The following NEURL1B variants were observed in gnomAD, a reference collection of about 807,000 sequenced individuals.
The protein encoded by NEURL1B is E3 ubiquitin-protein ligase NEURL1B.
A neutral mutation model predicts 37.4 loss-of-function variants in NEURL1B; 13 were observed. That is an observed-to-expected ratio of 0.35 (90% CI 0.23 to 0.55). NEURL1B has a LOEUF of 0.55. NEURL1B is among the 20% of genes least tolerant of loss of function. The pLI, the probability that NEURL1B is intolerant of heterozygous loss-of-function variation, is 0.89. For synonymous variants in NEURL1B, 432 were observed against 426.6 expected, an observed-to-expected ratio of 1.01 and a Z score of -0.16; for missense variants, 790 against 879.2, an observed-to-expected ratio of 0.90 and a Z score of 1.28.
intron 1 of NEURL1B, among the ~76,000 whole-genome samples, chr5:172,666,772 C>T (rs1298365208): frequency 6.6e-6 from 1 of 152,174 alleles, no homozygotes; most frequent in African/African-American, 2.4e-5. Flanking sequence ...CCCTCGTGGG[C>T]CTTACCCTTC....
intron 2 of NEURL1B, among the ~76,000 whole-genome samples, chr5:172,679,895 C>T (rs952393460): frequency 6.6e-5 from 10 of 152,174 alleles, no homozygotes; most frequent in African/African-American, 2.4e-4. Context: ...CTGTCACTCC[C>T]CAGCTGTGTG....
chr5:172,645,976 G>A (rs977708750), intron 1 of NEURL1B, among the ~76,000 whole-genome samples: 1 of 152,174 alleles, frequency 6.6e-6, no homozygotes, highest in Non-Finnish European at 1.5e-5. Flanking sequence ...TTAAAAATCT[G>A]GTGCATTTAT....
chr5:172,684,276 T>C (rs1025428545), intron 3 of NEURL1B, 138 bp downstream of exon 3: 15 of 747,436 alleles, frequency 2.0e-5, no homozygotes, highest in Non-Finnish European at 2.7e-5. Context: ...TTCCCAACTT[T>C]AAGCGCCCGG....
intron 1 of NEURL1B, chr5:172,656,676 T>C: frequency 1.3e-6 from 2 of 1,531,418 alleles, no homozygotes; most frequent in South Asian, 2.3e-5. Flanking sequence ...CTTGGGCTGT[T>C]TCAGTGGCTT....
Position 172,661,133 on chromosome 5 carries a change from A to G in NEURL1B, c.32-8652A>G, listed in dbSNP as rs1159524403. 6.6e-6 allele frequency among the ~76,000 whole-genome samples: 1 copy of G among 152,220 alleles called. No individual in the cohort carries two copies. The highest frequency in any genetic ancestry group is 1.5e-5 in the Non-Finnish European group (1 of 68,042). ...CACCATGTTGCTTCCTACTGCCAAC[A>G]GTGCTGGTTTACATTTTGGACTGGG... On this transcript the variant is annotated intron_variant, in intron 1 of 4. Coordinates refer to ENST00000369800, the MANE Select transcript of NEURL1B (RefSeq NM_001142651.3). This position sits in a 1 kb window ranked among gnomAD's most constrained non-coding sequence, Gnocchi z 4.0.
Position 172,687,158 on chromosome 5 carries a change from T to C in NEURL1B, c.*233T>C. On this transcript the variant is annotated 3_prime_UTR_variant, in exon 5 of 5. Coordinates refer to ENST00000369800, the MANE Select transcript of NEURL1B (RefSeq NM_001142651.3). ...CCGTCCCAAGAGCAAGCTCAGGAACTGCCTGGCAGATCACCCTGTCCCTTG... is the reference window on the plus strand; with the variant it reads ...CCGTCCCAAGAGCAAGCTCAGGAACCGCCTGGCAGATCACCCTGTCCCTTG... 1.9e-6 allele frequency: 1 copy of C among 522,164 alleles called. No homozygotes were observed. 32.3% of individuals were successfully genotyped at this position (522,164 alleles called of 1,614,324 possible).
At chr5:172,655,197 C>T (rs573102629) in intron 1 of NEURL1B, among the ~76,000 whole-genome samples, 1 of 152,242 alleles carries the variant, frequency 6.6e-6, no homozygotes, top group Non-Finnish European at 1.5e-5. Context: ...GAAGGCTCAA[C>T]CCCTCAAACC....
chr5:172,674,237 G>A (rs550602338), intron 2 of NEURL1B, among the ~76,000 whole-genome samples: 1 of 152,294 alleles, frequency 6.6e-6, no homozygotes, highest in East Asian at 1.9e-4. Context: ...ATCTTGTGGG[G>A]CTGGGGTGTG....
At chr5:172,644,692 G>T (rs1382735347) in intron 1 of NEURL1B, among the ~76,000 whole-genome samples, 1 of 152,202 alleles carries the variant, frequency 6.6e-6, no homozygotes, top group African/African-American at 2.4e-5. Flanking sequence ...ATTTTAAAGA[G>T]ATTAAGACAC....
At chr5:172,659,457 G>A (rs1352415566) in intron 1 of NEURL1B, among the ~76,000 whole-genome samples, 1 of 152,220 alleles carries the variant, frequency 6.6e-6, no homozygotes, top group African/African-American at 2.4e-5. Flanking sequence ...GGGGCTGCCA[G>A]GAGGAGAAGC....
intron 1 of NEURL1B, among the ~76,000 whole-genome samples, chr5:172,644,151 G>A (rs1561639315): frequency 6.6e-6 from 1 of 152,160 alleles, no homozygotes; most frequent in Non-Finnish European, 1.5e-5. Flanking sequence ...TTAGCACCTG[G>A]AGCAGTGGCT....
In NEURL1B at chr5:172,691,088, G is replaced by A. The variant is rs1758646516; in HGVS notation, c.*4163G>A. ...GAGTCCCTAATGAAACGACTTGTGT[G>A]ACAATCTGTCTGTGCCTTACGAAAG... On this transcript the variant is annotated 3_prime_UTR_variant, in exon 5 of 5. Coordinates refer to ENST00000369800, the MANE Select transcript of NEURL1B (RefSeq NM_001142651.3). The A allele has an allele frequency of 6.6e-6, 1 of 152,200 alleles. No individual in the cohort carries two copies. Among genetic ancestry groups the A allele is most frequent in the Non-Finnish European group, 1.5e-5 (1 of 68,040 alleles). The allele number at this position is 152,200 out of a possible 1,614,324, so 9.4% of individuals were successfully genotyped here.
chr5:172,683,810 CT>C lies in NEURL1B; in HGVS notation c.971del (p.Phe324SerfsTer136). 7.6e-7 allele frequency: 1 copy of C among 1,315,158 alleles called. No homozygotes were observed. Among genetic ancestry groups the C allele is most frequent in the African/African-American group, 1.6e-5 (1 of 64,012 alleles). 81.5% of individuals were successfully genotyped at this position (1,315,158 alleles called of 1,614,324 possible). A position where few individuals can be genotyped will look rare whatever the true frequency, so the allele number is the denominator to read the frequency against. On this transcript the variant is annotated frameshift_variant, in exon 3 of 5. Coordinates refer to ENST00000369800, the MANE Select transcript of NEURL1B (RefSeq NM_001142651.3). LOFTEE classifies it high-confidence loss of function. The surrounding 1 kb of genome is among the most constrained non-coding windows in gnomAD (Gnocchi z 5.6). ...GCCCGCTGCGGCCCGGCGAGAGCCTCTTCGTGGAGGTGGGCCGTCCGGGGCT... is the reference window on the plus strand; with the variant it reads ...GCCCGCTGCGGCCCGGCGAGAGCCTCTCGTGGAGGTGGGCCGTCCGGGGCT... ...ERPLRPGESL[F>X]VEVGRPGLAA...
chr5:172,684,008 G>A lies in NEURL1B; in HGVS notation c.1167G>A (p.Arg389=), dbSNP rs569167232. 2 of 1,333,496 alleles carry A rather than the reference G, an allele frequency of 1.5e-6. No individual in the cohort carries two copies. Among genetic ancestry groups the A allele is most frequent in the South Asian group, 1.7e-5 (1 of 58,156 alleles). The allele number at this position is 1,333,496 out of a possible 1,614,324, so 82.6% of individuals were successfully genotyped here. ...GCGACGCGCTCAGCTTCACGCTGCG[G>A]CCCGGCGGCGACGTGCTCCTGGGCA... ...SGGDALSFTL[R]PGGDVLLGIN... is the part of the protein sequence containing the mutation. Residue 389 remains arginine, a synonymous_variant, in exon 3 of 5, where the codon CGG becomes CGA. Coordinates refer to ENST00000369800, the MANE Select transcript of NEURL1B (RefSeq NM_001142651.3).
chr5:172,669,803 G>C lies in NEURL1B; in HGVS notation c.50G>C (p.Arg17Pro). ...RTLPDPSPPA[R>P]LLATRPCCGP... ...TCCGCAGACCCGAGCCCACCGGCGC[G>C]CCTCCTGGCCACCCGGCCGTGCTGC... Residue 17 changes from arginine (R) to proline (P), a missense_variant, in exon 2 of 5, where the codon CGC becomes CCC. Around this residue, in one of 3 missense-constraint regions of NEURL1B, gnomAD observed 215 missense variants for 309.2 expected, o/e 0.70. Coordinates refer to ENST00000369800, the MANE Select transcript of NEURL1B (RefSeq NM_001142651.3). The C allele has an allele frequency of 7.8e-7, 1 of 1,278,756 alleles. No individual in the cohort carries two copies. The highest frequency in any genetic ancestry group is 3.4e-5 in the East Asian group (1 of 29,192). 79.2% of individuals were successfully genotyped at this position (1,278,756 alleles called of 1,614,324 possible).
intron 2 of NEURL1B, among the ~76,000 whole-genome samples, chr5:172,677,523 A>T (rs1465111078): frequency 6.6e-6 from 1 of 152,144 alleles, no homozygotes; most frequent in Non-Finnish European, 1.5e-5. Flanking sequence ...TCTGCAGTCC[A>T]GCCTTCTCTG....
rs1031983162 is a variant in NEURL1B, at chr5:172,689,267, TA to T, written c.*2343del. ...ACAGAGGAGATGCACACGTCCCCAC[TA>T]TGTTCTGTCTTGAGAAGGGGACAAG... On this transcript the variant is annotated 3_prime_UTR_variant, in exon 5 of 5. Coordinates refer to ENST00000369800, the MANE Select transcript of NEURL1B (RefSeq NM_001142651.3). 8 of 152,222 alleles carry T rather than the reference TA, an allele frequency of 5.3e-5. No individual in the cohort carries two copies. Among genetic ancestry groups the T allele is most frequent in the Non-Finnish European group, 7.3e-5 (5 of 68,038 alleles). 9.4% of individuals were successfully genotyped at this position (152,222 alleles called of 1,614,324 possible).
chr5:172,669,040 G>A (rs1758069258), intron 1 of NEURL1B, among the ~76,000 whole-genome samples: 1 of 152,124 alleles, frequency 6.6e-6, no homozygotes, highest in Non-Finnish European at 1.5e-5. Context: ...ATGTGCTTTG[G>A]AACCTCAGTA....
chr5:172,686,046 C>A lies in NEURL1B; in HGVS notation c.1298-125C>A. ...TGCACTCTTCACTCCTCAGCAGAAC[C>A]CTGGGAGATACCTCTGGTCCTCTCG... On this transcript the variant is annotated intron_variant, in intron 3 of 4. Transcript: ENST00000369800. The surrounding 1 kb of genome is among the most constrained non-coding windows in gnomAD (Gnocchi z 7.9). The A allele has an allele frequency of 8.6e-7, 1 of 1,167,548 alleles. No individual in the cohort carries two copies. Among genetic ancestry groups the A allele is most frequent in the Non-Finnish European group, 1.2e-6 (1 of 839,070 alleles). 72.3% of individuals were successfully genotyped at this position (1,167,548 alleles called of 1,614,324 possible).
Sources: allele counts gnomAD v4.1 joint callset (sites outside exome capture counted in the v4.1 genomes callset), GRCh38; gene constraint gnomAD v4.1.1; regional missense constraint gnomAD v4.1.1; non-coding constraint Gnocchi (gnomAD v3.1); transcripts MANE v1.5; gene names NCBI Gene and HGNC (gene_info 2026-07-23, HGNC 2026-07-21).